The following RNF157 variants were observed in gnomAD, a reference collection of about 807,000 sequenced individuals.
RNF157 encodes the protein ring finger protein 157.
RNF157 carries 55 observed loss-of-function variants against 88.3 expected under a neutral mutation model. That is an observed-to-expected ratio of 0.62 (90% CI 0.50 to 0.78). The LOEUF (loss-of-function observed/expected upper bound fraction) is 0.78. Among genes scored for constraint, RNF157 ranks in the 30% least tolerant of loss-of-function variants. The pLI, the probability that RNF157 is intolerant of heterozygous loss-of-function variation, is 0.00. For missense variants in RNF157, 788 were observed against 860.8 expected (o/e 0.92, Z 1.06); for synonymous variants, 334 against 341.2 (o/e 0.98, Z 0.23).
intron 2 of RNF157, among the ~76,000 whole-genome samples, chr17:76,190,553 T>C (rs2069366814): frequency 6.7e-6 from 1 of 148,178 alleles, no homozygotes; most frequent in Admixed American, 6.8e-5. Context: ...CAGTGAGCCA[T>C]GATCATGCCA....
chr17:76,190,602 C>CAAA (rs557182055), intron 2 of RNF157, among the ~76,000 whole-genome samples: 1 of 102,946 alleles, frequency 9.7e-6, no homozygotes, highest in South Asian at 3.3e-4. Context: ...GACCCCATCT[C>CAAA]AAAAAAAAAA....
chr17:76,166,341 C>G lies in RNF157; in HGVS notation c.628+120G>C, dbSNP rs2068924073. On this transcript the variant is annotated intron_variant, in intron 6 of 18. Coordinates refer to ENST00000269391, the MANE Select transcript of RNF157 (RefSeq NM_052916.3). Reference sequence around the variant, plus strand: ...AGATGTGAGAGGATGCAGAGACTGCCTGACTCACAGTCACAAACACCCACA... The same window carrying G: ...AGATGTGAGAGGATGCAGAGACTGCGTGACTCACAGTCACAAACACCCACA... 7 of 816,360 alleles carry G rather than the reference C, an allele frequency of 8.6e-6. No individual in the cohort carries two copies. The South Asian group carries it at 1.0e-4, about 12-fold the overall frequency. The allele number at this position is 816,360 out of a possible 1,614,324, so 50.6% of individuals were successfully genotyped here.
At chr17:76,205,007 T>C (rs1008627101) in intron 2 of RNF157, among the ~76,000 whole-genome samples, 3 of 151,764 alleles carry the variant, frequency 2.0e-5, no homozygotes, top group Non-Finnish European at 4.4e-5. Flanking sequence ...CTGGTCTTGA[T>C]CTCTCCCGAC....
intron 3 of RNF157, among the ~76,000 whole-genome samples, chr17:76,171,223 C>G (rs1448840332): frequency 6.6e-6 from 1 of 150,848 alleles, no homozygotes; most frequent in African/African-American, 2.4e-5. Flanking sequence ...GAGTCTCACT[C>G]TGTCACCCAG....
At chr17:76,208,866 C>A (rs1388867754) in intron 2 of RNF157, among the ~76,000 whole-genome samples, 1 of 151,614 alleles carries the variant, frequency 6.6e-6, no homozygotes, top group Non-Finnish European at 1.5e-5. Flanking sequence ...CCCAGCTAGT[C>A]AGGAGGCTGA....
At chr17:76,197,055 T>C (rs2069489567) in intron 2 of RNF157, among the ~76,000 whole-genome samples, 1 of 152,136 alleles carries the variant, frequency 6.6e-6, no homozygotes, top group African/African-American at 2.4e-5. Flanking sequence ...GAACCCAACC[T>C]AAACCGGTTG....
chr17:76,155,236 G>A lies in RNF157; in HGVS notation c.1764+16C>T, dbSNP rs372842357. 11 of 1,612,182 alleles carry A rather than the reference G, an allele frequency of 6.8e-6. No homozygotes were observed. In the African/African-American group the frequency reaches 1.3e-4, roughly 20 times the overall value. ...GGTTGTGGGAAGGGGGCACCACTCCGTGCTGTTGGGGTTACCTCTGCATCC... is the reference window on the plus strand; with the variant it reads ...GGTTGTGGGAAGGGGGCACCACTCCATGCTGTTGGGGTTACCTCTGCATCC... On this transcript the variant is annotated intron_variant, in intron 16 of 18. Transcript: ENST00000269391.
rs1300592780 is a variant in RNF157, at chr17:76,157,901, G to A, written c.1413+492C>T. 6.6e-6 allele frequency among the ~76,000 whole-genome samples: 1 copy of A among 151,274 alleles called. No individual in the cohort carries two copies. Among genetic ancestry groups the A allele is most frequent in the Non-Finnish European group, 1.5e-5 (1 of 67,812 alleles). On this transcript the variant is annotated intron_variant, in intron 13 of 18. Coordinates refer to ENST00000269391, the MANE Select transcript of RNF157 (RefSeq NM_052916.3). This position sits in a 1 kb window ranked among gnomAD's most constrained non-coding sequence, Gnocchi z 5.6. Reference sequence around the variant, plus strand: ...CCCGACACCCCCCACTTACCCCCAGGACTTTCTCCTTGCTGTTCCCAGACC... The same window carrying A: ...CCCGACACCCCCCACTTACCCCCAGAACTTTCTCCTTGCTGTTCCCAGACC...
At chr17:76,191,600 CAA>C (rs71363619) in intron 2 of RNF157, among the ~76,000 whole-genome samples, 1,134 of 65,236 alleles carry the variant, frequency 0.017, 6 homozygotes, top group African/African-American at 0.056. Context: ...GACTCCGCCT[CAA>C]AAAAAAAAAA....
intron 17 of RNF157, chr17:76,153,250 G>C (rs1029672202): frequency 3.9e-5 from 6 of 152,260 alleles, no homozygotes; most frequent in African/African-American, 1.4e-4. Flanking sequence ...GGTAACTCTA[G>C]AGCCTCAAGC....
At chr17:76,200,037 A>G (rs1228546348) in intron 2 of RNF157, among the ~76,000 whole-genome samples, 2 of 152,008 alleles carry the variant, frequency 1.3e-5, no homozygotes, top group Admixed American at 6.6e-5. Context: ...GGAGATCGAG[A>G]CCATCCTGGC....
In RNF157 at chr17:76,159,529, C is replaced by T. The variant is rs765167356; in HGVS notation, c.1110G>A (p.Leu370=). ...GGGTGAGGGGCCCGTTGAGGGCCTC[C>T]AGAAGAGATACTACTTCATAGCCTG... ...IPPGYEVVSL[L]EALNGPLTPS... Residue 370 remains leucine, a synonymous_variant, in exon 12 of 19, where the codon CTG becomes CTA. Coordinates refer to ENST00000269391, the MANE Select transcript of RNF157 (RefSeq NM_052916.3). 186 of 1,602,418 alleles carry T rather than the reference C, an allele frequency of 1.2e-4. No homozygotes were observed. The highest frequency in any genetic ancestry group is 9.7e-5 in the Non-Finnish European group (114 of 1,176,950).
chr17:76,212,529 A>G, intron 1 of RNF157, 47 bp from the exon 2 acceptor site: 1 of 1,203,738 alleles, frequency 8.3e-7, no homozygotes, highest in East Asian at 2.4e-5. Context: ...AAAACAGTCA[A>G]CCTAAATCTA....
chr17:76,146,234 A>C lies in RNF157; in HGVS notation c.1922-881T>G, dbSNP rs1362517958. The C allele has an allele frequency of 1.0e-5, 5 of 488,714 alleles. No homozygotes were observed. Among genetic ancestry groups the C allele is most frequent in the Non-Finnish European group, 1.3e-5 (5 of 376,122 alleles). The allele number at this position is 488,714 out of a possible 1,614,324, so 30.3% of individuals were successfully genotyped here. A position where few individuals can be genotyped will look rare whatever the true frequency, so the allele number is the denominator to read the frequency against. ...AGTTTACAGCAGTGTGACCTTGGGC[A>C]CATCAGTTTACTGTGGGCCTTGGTT... On this transcript the variant is annotated intron_variant, in intron 18 of 18. Transcript: ENST00000269391. The surrounding 1 kb of genome is among the most constrained non-coding windows in gnomAD (Gnocchi z 4.2).
chr17:76,218,414 G>C lies in RNF157; in HGVS notation c.89-5932C>G, dbSNP rs192729163. Among the ~76,000 whole-genome samples the C allele has an allele frequency of 5.3e-4, 81 of 152,278 alleles. No individual in the cohort carries two copies. In the East Asian group the frequency reaches 0.014, roughly 26 times the overall value. ...CCAGTACTTTGGGAGGCCAAGGCAG[G>C]AGGATTGCTTGAGCCCAGAAGTTCA... On this transcript the variant is annotated intron_variant, in intron 1 of 18. Transcript: ENST00000269391.
chr17:76,226,630 G>A (rs907940157), intron 1 of RNF157: 10 of 1,612,886 alleles, frequency 6.2e-6, no homozygotes, highest in East Asian at 2.2e-5. Flanking sequence ...TCAGCCATTC[G>A]GAGGAGCCCG....
At chr17:76,167,585 T>C in intron 4 of RNF157, 66 bp downstream of exon 4, 1 of 1,602,778 alleles carries the variant, frequency 6.2e-7, no homozygotes, top group South Asian at 1.1e-5. Context: ...AATACCATTC[T>C]GGAACTCTTC....
Position 76,158,514 on chromosome 17 carries a change from A to G in RNF157, c.1305-13T>C. The G allele has an allele frequency of 6.3e-7, 1 of 1,580,820 alleles. No individual in the cohort carries two copies. Among genetic ancestry groups the G allele is most frequent in the Non-Finnish European group, 8.7e-7 (1 of 1,150,118 alleles). On this transcript the variant is annotated splice_polypyrimidine_tract_variant and intron_variant, in intron 12 of 18. Coordinates refer to ENST00000269391, the MANE Select transcript of RNF157 (RefSeq NM_052916.3). ...TTGGGAAGTGGATCTGTAGGAGTCC[A>G]GTGGAAAAGCAGCTATATCCAACGT...
intron 1 of RNF157, among the ~76,000 whole-genome samples, chr17:76,233,210 G>A (rs1216910884): frequency 6.6e-6 from 1 of 151,838 alleles, no homozygotes; most frequent in Non-Finnish European, 1.5e-5. Context: ...GTGAGCCACC[G>A]TGCCTGGCCT....
Sources: allele counts gnomAD v4.1 joint callset (sites outside exome capture counted in the v4.1 genomes callset), GRCh38; gene constraint gnomAD v4.1.1; non-coding constraint Gnocchi (gnomAD v3.1); transcripts MANE v1.5; gene names NCBI Gene and HGNC (gene_info 2026-07-23, HGNC 2026-07-21).